Variants in PLCH1 observed in about 807,000 individuals in gnomAD.
The protein encoded by PLCH1 is 1-phosphatidylinositol 4,5-bisphosphate phosphodiesterase eta-1.
Under a neutral mutation model 126.7 loss-of-function variants are expected in PLCH1, and 60 were observed. The observed-to-expected ratio is 0.47, with a 90% CI of 0.38 to 0.59. The LOEUF (loss-of-function observed/expected upper bound fraction) is 0.59, where lower values mean the gene tolerates loss of function less well. PLCH1 is among the 20% of genes least tolerant of loss of function. The probability of loss-of-function intolerance (pLI) is 0.00; values close to 1 mark genes in which losing one functional copy is unlikely to be tolerated. For missense variants in PLCH1, 1,723 were observed against 2,040.0 expected (o/e 0.84, Z 2.99); for synonymous variants, 719 against 734.9 (o/e 0.98, Z 0.35).
chr3:155,482,016 A>G lies in PLCH1; in HGVS notation c.4010T>C (p.Ile1337Thr). The change falls in exon 23 of 23, where the codon ATA (isoleucine) becomes ACA (threonine). Residue 1337 changes from isoleucine to threonine, a missense_variant. Ile to Thr is a moderately conservative substitution (Grantham distance 89, BLOSUM62 -1). This residue lies in a region of PLCH1 where 947 missense variants were observed against 977.1 expected (regional missense o/e 0.97). Coordinates refer to ENST00000460012, the MANE Select transcript of PLCH1 (RefSeq NM_014996.4). ...SSPDLTLEDVIADPTLCFNSG... is the reference protein window; with the variant it reads ...SSPDLTLEDVTADPTLCFNSG... ...ATTGAAACAGAGAGTGGGATCAGCT[A>G]TTACATCCTCCAGGGTCAAATCAGG... The G allele has an allele frequency of 1.2e-6, 2 of 1,614,122 alleles. No individual in the cohort carries two copies. The highest frequency in any genetic ancestry group is 1.3e-5 in the African/African-American group (1 of 75,038).
intron 9 of PLCH1, among the ~76,000 whole-genome samples, 182 bp from the exon 10 acceptor site, chr3:155,550,140 C>A (rs1332404830): frequency 6.6e-6 from 1 of 152,110 alleles, no homozygotes; most frequent in Non-Finnish European, 1.5e-5. Context: ...TTCCTCTGAG[C>A]AAATATACTT....
At chr3:155,531,226 C>T (rs919710673) in intron 10 of PLCH1, among the ~76,000 whole-genome samples, 1 of 152,246 alleles carries the variant, frequency 6.6e-6, no homozygotes, top group African/African-American at 2.4e-5. Context: ...ACAAGAGACT[C>T]AGCCTGTTCT....
chr3:155,613,441 AAG>A (rs1735395213), intron 2 of PLCH1, among the ~76,000 whole-genome samples: 1 of 152,222 alleles, frequency 6.6e-6, no homozygotes, highest in African/African-American at 2.4e-5. Context: ...GCATATCAAA[AAG>A]ATAATCCACC....
rs770818572 is a variant in PLCH1, at chr3:155,481,548, T to A, written c.4478A>T (p.Glu1493Val). ...GCTCTCAAAATTGCAGGCAATGTCC[T>A]CTGATGTTAAGTCCCCCAGACTTTT... ...KSKSLGDLTS[E>V]DIACNFESKY... The change falls in exon 23 of 23, where the codon GAG becomes GTG. Residue 1493 changes from glutamate (E) to valine (V), a missense_variant. Glu to Val is a moderately radical substitution (Grantham distance 121, BLOSUM62 -2). Around this residue, in one of 2 missense-constraint regions of PLCH1, gnomAD observed 947 missense variants for 977.1 expected, o/e 0.97. Transcript: ENST00000460012. The surrounding 1 kb of genome is among the most constrained non-coding windows in gnomAD (Gnocchi z 4.2). 3 of 1,614,182 alleles carry A rather than the reference T, an allele frequency of 1.9e-6. No individual in the cohort carries two copies. The highest frequency in any genetic ancestry group is 2.5e-6 in the Non-Finnish European group (3 of 1,180,032).
At chr3:155,521,918 T>C (rs1308062555) in intron 11 of PLCH1, among the ~76,000 whole-genome samples, 1 of 152,206 alleles carries the variant, frequency 6.6e-6, no homozygotes, top group African/African-American at 2.4e-5. Context: ...AAAGATCATA[T>C]CTAACTCCAT....
At chr3:155,701,752 C>T (rs934030787) in intron 2 of PLCH1, among the ~76,000 whole-genome samples, 4 of 152,156 alleles carry the variant, frequency 2.6e-5, no homozygotes, top group Non-Finnish European at 5.9e-5. Context: ...ACTAGAGCTC[C>T]CTTGGTTTAA....
chr3:155,624,798 G>A (rs1197981482), intron 2 of PLCH1, among the ~76,000 whole-genome samples: 18 of 152,104 alleles, frequency 1.2e-4, no homozygotes, highest in African/African-American at 4.1e-4. Flanking sequence ...AATCAATATC[G>A]TGAAAATGGC....
At chr3:155,499,134 T>C (rs977021767) in intron 14 of PLCH1, among the ~76,000 whole-genome samples, 10 of 152,234 alleles carry the variant, frequency 6.6e-5, no homozygotes, top group Non-Finnish European at 1.3e-4. Context: ...TATTCCATTG[T>C]AGTTTTGATT....
intron 2 of PLCH1, among the ~76,000 whole-genome samples, chr3:155,674,533 T>A (rs1403013386): frequency 6.6e-6 from 1 of 152,200 alleles, no homozygotes. Flanking sequence ...TGAAAAATAG[T>A]CTTGCTACCA....
At chr3:155,652,595 A>T (rs1740838983) in intron 2 of PLCH1, among the ~76,000 whole-genome samples, 1 of 152,192 alleles carries the variant, frequency 6.6e-6, no homozygotes, top group South Asian at 2.1e-4. Context: ...ACTAGGTTTC[A>T]TCTACCATTT....
chr3:155,553,468 G>C (rs886080035), intron 9 of PLCH1, among the ~76,000 whole-genome samples: 16 of 152,184 alleles, frequency 1.1e-4, no homozygotes, highest in Middle Eastern at 3.4e-3. Context: ...CATAGAATTT[G>C]ATAAATATCC....
intron 21 of PLCH1, among the ~76,000 whole-genome samples, chr3:155,470,446 C>G (rs978529993): frequency 6.6e-6 from 1 of 152,104 alleles, no homozygotes; most frequent in Non-Finnish European, 1.5e-5. Flanking sequence ...AAATCTACAT[C>G]TGATTGGTGT....
At chr3:155,567,496 G>A (rs183168729) in intron 7 of PLCH1, among the ~76,000 whole-genome samples, 184 of 152,252 alleles carry the variant, frequency 1.2e-3, no homozygotes, top group African/African-American at 4.3e-3. Flanking sequence ...GGGGGCCAAC[G>A]GTCAAAATTG....
rs552261794 is a variant in PLCH1 at position 155,488,220 on chromosome 3, C to CA, written c.2540-114dup. On this transcript the variant is annotated intron_variant, in intron 20 of 22. Transcript: ENST00000460012. The stretch of plus-strand genomic sequence containing the variant: ...ACTGTAGTTCTTTTTTTTTTTGAGA[C>CA]AGAGTGTTGCTCTGTTGCCCAGGCT... 5.1e-4 allele frequency: 330 copies of CA among 651,020 alleles called. 1 individual carries two copies. In the African/African-American group the frequency reaches 5.5e-3, roughly 11 times the overall value. 40.3% of individuals were successfully genotyped at this position (651,020 alleles called of 1,614,324 possible).
chr3:155,737,000 C>A (rs1043383858), intron 1 of PLCH1, among the ~76,000 whole-genome samples: 4 of 151,838 alleles, frequency 2.6e-5, no homozygotes, highest in Non-Finnish European at 4.4e-5. Flanking sequence ...GAGGCCGAAG[C>A]GGCTGGATTG....
intron 6 of PLCH1, among the ~76,000 whole-genome samples, chr3:155,579,632 T>C (rs1219278245): frequency 1.3e-5 from 2 of 152,164 alleles, no homozygotes; most frequent in Non-Finnish European, 2.9e-5. Flanking sequence ...AGAAACACAT[T>C]ATCAGAAAAC....
intron 10 of PLCH1, among the ~76,000 whole-genome samples, chr3:155,541,077 T>C (rs1013296321): frequency 1.1e-4 from 16 of 152,170 alleles, no homozygotes; most frequent in African/African-American, 3.9e-4. Flanking sequence ...GAATGAAATA[T>C]GGCATTTGCA....
intron 2 of PLCH1, among the ~76,000 whole-genome samples, chr3:155,697,352 C>T (rs576946186): frequency 2.3e-4 from 35 of 152,134 alleles, no homozygotes; most frequent in East Asian, 3.9e-4. Flanking sequence ...GTTGGGGGGC[C>T]GGGATTCCAT....
chr3:155,487,907 C>T, intron 21 of PLCH1, 121 bp downstream of exon 21: 2 of 655,348 alleles, frequency 3.1e-6, no homozygotes, highest in Admixed American at 4.8e-5. Flanking sequence ...GCTGGGCCTC[C>T]TTAGAGTTTT....
Sources: allele counts gnomAD v4.1 joint callset (sites outside exome capture counted in the v4.1 genomes callset), GRCh38; gene constraint gnomAD v4.1.1; regional missense constraint gnomAD v4.1.1; non-coding constraint Gnocchi (gnomAD v3.1); transcripts MANE v1.5; gene names NCBI Gene and HGNC (gene_info 2026-07-23, HGNC 2026-07-21).